SCHIP1: variants seen among roughly 807,000 people sequenced by gnomAD.
The protein encoded by SCHIP1 is schwannomin-interacting protein 1.
A neutral mutation model predicts 29.7 loss-of-function variants in SCHIP1; 8 were observed. That is an observed-to-expected ratio of 0.27 (90% CI 0.16 to 0.49). SCHIP1 has a LOEUF of 0.49. Among genes scored for constraint, SCHIP1 ranks in the 20% least tolerant of loss-of-function variants. The probability of loss-of-function intolerance (pLI) is 0.99; values close to 1 mark genes in which losing one functional copy is unlikely to be tolerated. For synonymous variants in SCHIP1, 76 were observed against 94.9 expected (o/e 0.80, Z 1.16); for missense variants, 193 against 294.6 (o/e 0.66, Z 2.52).
chr3:159,750,394 G>T, the SCHIP1 span, among the ~76,000 whole-genome samples: 108,422 of 150,440 alleles, frequency 0.72, 39,572 homozygotes, highest in Middle Eastern at 0.91. Context: ...ACATAGTAGG[G>T]GTATAGCCAA....
At chr3:159,857,729 A>T (rs1713554386) in intron 1 of SCHIP1, among the ~76,000 whole-genome samples, 1 of 152,048 alleles carries the variant, frequency 6.6e-6, no homozygotes, top group Non-Finnish European at 1.5e-5. Flanking sequence ...CTTCCTTTTA[A>T]TATTAATAAC....
At chr3:159,335,272 G>C in the SCHIP1 span, among the ~76,000 whole-genome samples, 1 of 152,080 alleles carries the variant, frequency 6.6e-6, no homozygotes, top group Non-Finnish European at 1.5e-5. Flanking sequence ...GCATATGAGA[G>C]ATCCAACTCT....
chr3:159,775,344 T>C, the SCHIP1 span, among the ~76,000 whole-genome samples: 154 of 152,300 alleles, frequency 1.0e-3, no homozygotes, highest in Non-Finnish European at 2.0e-3. Flanking sequence ...GGAGCTGCTT[T>C]TCAGGATGCT....
the SCHIP1 span, among the ~76,000 whole-genome samples, chr3:159,425,478 A>G: frequency 2.0e-5 from 3 of 152,086 alleles, no homozygotes; most frequent in African/African-American, 7.2e-5. Flanking sequence ...GATCAATTCA[A>G]CAAGAAGAGC....
the SCHIP1 span, among the ~76,000 whole-genome samples, chr3:159,320,317 C>CA: frequency 6.6e-6 from 1 of 152,124 alleles, no homozygotes; most frequent in African/African-American, 2.4e-5. Flanking sequence ...CATGTGAGGA[C>CA]ACAGTGAGAA....
At chr3:159,394,362 G>C in the SCHIP1 span, among the ~76,000 whole-genome samples, 1 of 152,078 alleles carries the variant, frequency 6.6e-6, no homozygotes, top group African/African-American at 2.4e-5. Context: ...TTGAATAGGA[G>C]TGGTGAGAGA....
the SCHIP1 span, among the ~76,000 whole-genome samples, chr3:159,815,769 A>C: frequency 6.6e-6 from 1 of 152,174 alleles, no homozygotes; most frequent in East Asian, 1.9e-4. Flanking sequence ...CACACCCATG[A>C]TTCCTACCTG....
chr3:159,373,213 A>G, the SCHIP1 span, among the ~76,000 whole-genome samples: 1 of 151,560 alleles, frequency 6.6e-6, no homozygotes, highest in Non-Finnish European at 1.5e-5. Context: ...CTTTTATTAT[A>G]AATTGACAAA....
chr3:159,720,644 G>C, the SCHIP1 span, among the ~76,000 whole-genome samples: 1 of 151,912 alleles, frequency 6.6e-6, no homozygotes, highest in African/African-American at 2.4e-5. Context: ...GAGTGCAGTG[G>C]CACCATCTCG....
chr3:159,649,539 A>G, the SCHIP1 span, among the ~76,000 whole-genome samples: 20 of 152,338 alleles, frequency 1.3e-4, no homozygotes, highest in African/African-American at 4.8e-4. Context: ...AATAATGTCC[A>G]TCAAAAAAAA....
chr3:159,460,842 C>T, the SCHIP1 span, among the ~76,000 whole-genome samples: 2 of 152,058 alleles, frequency 1.3e-5, no homozygotes, highest in Non-Finnish European at 2.9e-5. Flanking sequence ...AAACTAATTG[C>T]AAAGGACTTT....
At chr3:159,752,577 G>T in the SCHIP1 span, among the ~76,000 whole-genome samples, 1 of 152,134 alleles carries the variant, frequency 6.6e-6, no homozygotes, top group Admixed American at 6.5e-5. Context: ...TATGACAGAA[G>T]GTAAAGTGGG....
At chr3:159,715,235 C>G in the SCHIP1 span, among the ~76,000 whole-genome samples, 2 of 152,182 alleles carry the variant, frequency 1.3e-5, no homozygotes, top group Non-Finnish European at 2.9e-5. Context: ...CACCAAAACC[C>G]CATCTATACA....
At chr3:159,526,029 TAG>T in the SCHIP1 span, among the ~76,000 whole-genome samples, 1 of 152,270 alleles carries the variant, frequency 6.6e-6, no homozygotes. Context: ...CACTCATAAC[TAG>T]AGTTAGTCAT....
the SCHIP1 span, among the ~76,000 whole-genome samples, chr3:159,496,973 G>T: frequency 1.6e-4 from 24 of 152,246 alleles, no homozygotes; most frequent in Middle Eastern, 3.4e-3. Context: ...GATGACGCTG[G>T]AAACCATCAT....
chr3:159,493,234 C>G, the SCHIP1 span, among the ~76,000 whole-genome samples: 2 of 152,300 alleles, frequency 1.3e-5, no homozygotes, highest in South Asian at 2.1e-4. Flanking sequence ...ATGACAGGAT[C>G]AAATTCACAC....
chr3:159,580,292 A>G, the SCHIP1 span, among the ~76,000 whole-genome samples: 1 of 152,120 alleles, frequency 6.6e-6, no homozygotes, highest in African/African-American at 2.4e-5. Context: ...CCAAGGCCCT[A>G]TTTTGTCATG....
At chr3:159,391,244 A>G in the SCHIP1 span, among the ~76,000 whole-genome samples, 2 of 152,188 alleles carry the variant, frequency 1.3e-5, no homozygotes, top group Admixed American at 1.3e-4. Flanking sequence ...ACTGCTTTCA[A>G]TCATTTTGAT....
At chr3:159,531,044 T>C in the SCHIP1 span, among the ~76,000 whole-genome samples, 2 of 152,220 alleles carry the variant, frequency 1.3e-5, no homozygotes, top group African/African-American at 2.4e-5. Flanking sequence ...ATCTGTTTGT[T>C]TGTGGACATA....
Sources: gnomAD v4.1 joint callset for allele counts (sites outside exome capture counted in the v4.1 genomes callset) on GRCh38, gnomAD v4.1.1 for gene constraint, MANE v1.5 for transcripts, NCBI Gene and HGNC (gene_info 2026-07-23, HGNC 2026-07-21) for gene names.